The following CLDN10 variants were observed in gnomAD, a reference collection of about 807,000 sequenced individuals.
CLDN10 encodes claudin 10, also known as claudin-10.
In CLDN10, 15 loss-of-function variants were observed where a neutral mutation model predicts 22.9. The ratio of observed to expected loss-of-function variants is 0.65; its 90% CI spans 0.44 to 1.01. The LOEUF (loss-of-function observed/expected upper bound fraction) is 1.01, where lower values mean the gene tolerates loss of function less well. Among genes scored for constraint, CLDN10 ranks in the 50% least tolerant of loss-of-function variants. The probability of loss-of-function intolerance (pLI) is 0.00; values close to 1 mark genes in which losing one functional copy is unlikely to be tolerated. For synonymous variants in CLDN10, 114 were observed against 111.4 expected (o/e 1.02, Z -0.15); for missense variants, 247 against 287.8 (o/e 0.86, Z 1.03).
At chr13:95,504,994 A>G (rs2043023539) in intron 1 of CLDN10, among the ~76,000 whole-genome samples, 1 of 152,192 alleles carries the variant, frequency 6.6e-6, no homozygotes, top group Non-Finnish European at 1.5e-5. Flanking sequence ...TCTTCCCCCA[A>G]CTCAAGAACG....
intron 1 of CLDN10, among the ~76,000 whole-genome samples, chr13:95,462,706 A>G (rs560470705): frequency 2.2e-4 from 33 of 152,384 alleles, no homozygotes; most frequent in African/African-American, 7.7e-4. Flanking sequence ...GACAAAAAAC[A>G]GAAATGGTAG....
At chr13:95,512,153 G>GTTTTTTTTTTT (rs2043110161) in intron 1 of CLDN10, among the ~76,000 whole-genome samples, 1 of 31,508 alleles carries the variant, frequency 3.2e-5, no homozygotes, top group African/African-American at 8.7e-5. Flanking sequence ...TTTGTGTTCT[G>GTTTTTTTTTTT]TTTGTATATC....
At chr13:95,464,707 G>A (rs34695670) in intron 1 of CLDN10, among the ~76,000 whole-genome samples, 45,607 of 151,786 alleles carry the variant, frequency 0.3, 8,402 homozygotes, top group Non-Finnish European at 0.41. Context: ...CCATGCTGCA[G>A]TGCTGCACAT....
intron 3 of CLDN10, among the ~76,000 whole-genome samples, chr13:95,574,610 A>C (rs2043901126): frequency 6.6e-6 from 1 of 152,004 alleles, no homozygotes; most frequent in South Asian, 2.1e-4. Context: ...TCTCTACTGA[A>C]AATACAAAAA....
chr13:95,445,027 C>T (rs1566647207), intron 1 of CLDN10, among the ~76,000 whole-genome samples: 1 of 152,212 alleles, frequency 6.6e-6, no homozygotes, highest in Non-Finnish European at 1.5e-5. Context: ...CCACCTGCCT[C>T]AGCCTCCCAA....
At chr13:95,516,491 T>C (rs2043169206) in intron 1 of CLDN10, among the ~76,000 whole-genome samples, 1 of 151,978 alleles carries the variant, frequency 6.6e-6, no homozygotes, top group African/African-American at 2.4e-5. Context: ...CATTGCTTTG[T>C]GAATGCTTTC....
At chr13:95,555,053 T>TTG (rs1358360831) in intron 1 of CLDN10, among the ~76,000 whole-genome samples, 1 of 149,280 alleles carries the variant, frequency 6.7e-6, no homozygotes, top group East Asian at 2.0e-4. Context: ...TCCAGTTTTT[T>TTG]TTTTTTTTTT....
intron 3 of CLDN10, among the ~76,000 whole-genome samples, chr13:95,567,421 TTGTC>T (rs1472170981): frequency 1.3e-5 from 2 of 152,188 alleles, no homozygotes; most frequent in African/African-American, 4.8e-5. Flanking sequence ...GGCTCTCTGT[TTGTC>T]TGTTATTGAT....
chr13:95,530,058 T>C (rs972555795), intron 1 of CLDN10, among the ~76,000 whole-genome samples: 1 of 152,174 alleles, frequency 6.6e-6, no homozygotes, highest in African/African-American at 2.4e-5. Context: ...CACATGCATA[T>C]AATGCTTTTT....
rs540645477 is a variant in CLDN10 at position 95,577,444 on chromosome 13, A to C, written c.572+106A>C. On this transcript the variant is annotated intron_variant, in intron 4 of 4. Coordinates refer to ENST00000299339, the MANE Select transcript of CLDN10 (RefSeq NM_006984.5). ...GTTCATATGATTCTTAGAAACTTCC[A>C]AAATCCGGAATTGGAAAAGGTTAGC... 6.4e-5 allele frequency: 50 copies of C among 776,400 alleles called. No homozygotes were observed. In the African/African-American group the frequency reaches 6.6e-4, roughly 10 times the overall value. The allele number at this position is 776,400 out of a possible 1,614,324, so 48.1% of individuals were successfully genotyped here.
At chr13:95,498,591 C>T (rs2042951939) in intron 1 of CLDN10, among the ~76,000 whole-genome samples, 1 of 152,062 alleles carries the variant, frequency 6.6e-6, no homozygotes. Context: ...GATGGGGTTT[C>T]ACCATGTTTG....
At position 95,483,019 on chromosome 13, in the gene CLDN10, C is replaced by T. The variant is rs192572626; in HGVS notation, c.214+48972C>T. On this transcript the variant is annotated intron_variant, in intron 1 of 4. Coordinates refer to the CLDN10 transcript ENST00000376873. ...ACATAAATAAGCCCATTAAACATCA[C>T]GAATTTAATGTGAGGCCAACATTCT... Among the ~76,000 whole-genome samples the T allele has an allele frequency of 1.8e-4, 28 of 152,258 alleles. No individual in the cohort carries two copies. In the East Asian group the frequency reaches 4.1e-3, roughly 22 times the overall value.
chr13:95,543,368 C>G (rs532467494), intron 1 of CLDN10, among the ~76,000 whole-genome samples: 1 of 152,098 alleles, frequency 6.6e-6, no homozygotes, highest in African/African-American at 2.4e-5. Flanking sequence ...GTACATACCA[C>G]TTAGGGCTTA....
intron 1 of CLDN10, among the ~76,000 whole-genome samples, chr13:95,442,109 C>T (rs1376142467): frequency 2.6e-5 from 4 of 152,148 alleles, no homozygotes; most frequent in African/African-American, 9.7e-5. Context: ...TGTGATTGAG[C>T]CATTTCACTC....
At chr13:95,478,463 T>G (rs1444949928) in intron 1 of CLDN10, among the ~76,000 whole-genome samples, 1 of 152,230 alleles carries the variant, frequency 6.6e-6, no homozygotes, top group Non-Finnish European at 1.5e-5. Context: ...AGAGAACCAC[T>G]GGCCTTTGCC....
intron 1 of CLDN10, among the ~76,000 whole-genome samples, chr13:95,520,857 G>C (rs1396744012): frequency 6.6e-6 from 1 of 151,920 alleles, no homozygotes; most frequent in African/African-American, 2.4e-5. Flanking sequence ...GCATGCGCCT[G>C]TAGTCCCAGC....
intron 1 of CLDN10, among the ~76,000 whole-genome samples, chr13:95,474,015 G>A (rs185488131): frequency 2.5e-4 from 38 of 152,250 alleles, no homozygotes; most frequent in African/African-American, 8.9e-4. Flanking sequence ...GGGTCGCAGG[G>A]TAGTTTCAGG....
Position 95,530,669 on chromosome 13 carries a change from C to A in CLDN10, c.215-29463C>A, listed in dbSNP as rs531456444. ...CTACATAGACACTCAAGGAAAACAT[C>A]TTGTGTTTATCAACTACCTTGTGCT... On this transcript the variant is annotated intron_variant, in intron 1 of 4. Transcript: ENST00000376873. Among the ~76,000 whole-genome samples, 5 of 152,286 alleles carry A rather than the reference C, an allele frequency of 3.3e-5. No individual in the cohort carries two copies. In the East Asian group the frequency reaches 9.6e-4, roughly 29 times the overall value.
chr13:95,461,349 C>T (rs1487098133), intron 1 of CLDN10, among the ~76,000 whole-genome samples: 2 of 152,178 alleles, frequency 1.3e-5, no homozygotes, highest in Non-Finnish European at 2.9e-5. Flanking sequence ...TGATTTCTAT[C>T]CCTCATAATG....
Sources: gnomAD v4.1 joint callset for allele counts (sites outside exome capture counted in the v4.1 genomes callset) on GRCh38, gnomAD v4.1.1 for gene constraint, MANE v1.5 for transcripts, NCBI Gene and HGNC (gene_info 2026-07-23, HGNC 2026-07-21) for gene names.